The following PHYH variants were observed in gnomAD, a reference collection of about 807,000 sequenced individuals.
PHYH encodes the protein phytanoyl-CoA dioxygenase, peroxisomal.
A neutral mutation model predicts 38.5 loss-of-function variants in PHYH; 32 were observed. The ratio of observed to expected loss-of-function variants is 0.83; its 90% CI spans 0.63 to 1.12. The LOEUF (loss-of-function observed/expected upper bound fraction) is 1.12. Ranked by LOEUF, PHYH falls within the 50% of genes most tolerant of loss-of-function variation. The probability of loss-of-function intolerance (pLI) is 0.00; values close to 1 mark genes in which losing one functional copy is unlikely to be tolerated. For synonymous variants in PHYH, 166 were observed against 157.9 expected (o/e 1.05, Z -0.38); for missense variants, 426 against 434.8 (o/e 0.98, Z 0.18).
chr10:13,299,367 C>A, intron 1 of PHYH: 2 of 926,060 alleles, frequency 2.2e-6, no homozygotes, highest in Non-Finnish European at 2.6e-6. Flanking sequence ...GGCCTTGGCC[C>A]CCAGAAGAGC....
chr10:13,291,803 A>ATTTTT, intron 5 of PHYH, 28 bp downstream of exon 5: 1 of 1,478,574 alleles, frequency 6.8e-7, no homozygotes, highest in Non-Finnish European at 9.4e-7. Flanking sequence ...TAATGAAACC[A>ATTTTT]TTTTTTTTTC....
Position 13,294,506 on chromosome 10 carries a change from A to G in PHYH, c.336T>C (p.Ala112=), listed in dbSNP as rs769969927. 4 of 1,613,986 alleles carry G rather than the reference A, an allele frequency of 2.5e-6. No homozygotes were observed. The highest frequency in any genetic ancestry group is 1.3e-5 in the African/African-American group (1 of 75,030). The change falls in exon 4 of 9, where the codon GCT becomes GCC. Residue 112 remains alanine (A), a synonymous_variant. Coordinates refer to ENST00000263038, the MANE Select transcript of PHYH (RefSeq NM_006214.4). ...CCTTCGTGATCATCTTCTCACTTGG[A>G]GCATATTCGGATTTCGAAATGGTCA... ...RDVTISKSEY[A]PSEKMITKVQ... is the part of the protein sequence containing the mutation.
rs1029710098 is a variant in PHYH, at chr10:13,279,611, C to T, written c.964-1257G>A. On this transcript the variant is annotated intron_variant, in intron 8 of 8. Coordinates refer to ENST00000263038, the MANE Select transcript of PHYH (RefSeq NM_006214.4). ...CAGCATGGAGTTTATACTGCCCCAC[C>T]GGGTTTTGGTGAAGAAAATAAGAAA... Among the ~76,000 whole-genome samples, 6 of 152,050 alleles carry T rather than the reference C, an allele frequency of 3.9e-5. No individual in the cohort carries two copies. In the South Asian group the frequency reaches 6.2e-4, roughly 16 times the overall value.
chr10:13,294,707 T>C (rs942611701), intron 3 of PHYH, 111 bp from the exon 4 acceptor site: 4 of 852,380 alleles, frequency 4.7e-6, no homozygotes, highest in Non-Finnish European at 7.9e-6. Flanking sequence ...CTGCACTAAG[T>C]TGGCCTCCAG....
rs777147459 is a variant in PHYH at position 13,280,998 on chromosome 10, G to A, written c.941C>T (p.Ala314Val). 12 of 1,613,996 alleles carry A rather than the reference G, an allele frequency of 7.4e-6. No individual in the cohort carries two copies. Among genetic ancestry groups the A allele is most frequent in the Non-Finnish European group, 8.5e-6 (10 of 1,179,872 alleles). ...TACCTTCAAGTTCACGCTATTTTCA[G>A]CTCCAAAGAATTTATGTGCTATTCC... is the stretch of plus-strand genomic sequence containing the variant. ...VVGIAHKFFG[A>V]ENSVNLKDIW... The change falls in exon 8 of 9, where the codon GCT (alanine) becomes GTT (valine). Residue 314 changes from alanine to valine, a missense_variant. Transcript: ENST00000263038.
In PHYH at chr10:13,299,976, C is replaced by G. The variant is rs750212437; in HGVS notation, c.67G>C (p.Gly23Arg). The change falls in exon 1 of 9, where the codon GGG becomes CGG. Residue 23 changes from glycine (G) to arginine (R), a missense_variant. Physicochemically the swap from Gly to Arg is moderately radical, Grantham distance 125. Transcript: ENST00000263038. ...CGCAGCCCAAAGGATACGACAGCCC[C>G]GGCCGAGGGGCGGCCGAGGTGGCCC... is the stretch of plus-strand genomic sequence containing the variant. ...VLGHLGRPSA[G>R]AVVAHPTSGT... 1 of 1,530,824 alleles carries G rather than the reference C, an allele frequency of 6.5e-7. No homozygotes were observed. The highest frequency in any genetic ancestry group is 1.2e-5 in the South Asian group (1 of 83,030). 94.8% of individuals were successfully genotyped at this position (1,530,824 alleles called of 1,614,324 possible). A position where few individuals can be genotyped will look rare whatever the true frequency, so the allele number is the denominator to read the frequency against.
chr10:13,280,904 T>A (rs1835394233), intron 8 of PHYH, 72 bp downstream of exon 8: 3 of 1,372,042 alleles, frequency 2.2e-6, no homozygotes, highest in Non-Finnish European at 3.1e-6. Flanking sequence ...ATAAACTAGG[T>A]ATGAGAATTA....
chr10:13,298,066 A>C (rs1832612636), intron 2 of PHYH, 121 bp downstream of exon 2: 5 of 701,790 alleles, frequency 7.1e-6, no homozygotes, highest in Non-Finnish European at 1.0e-5. Context: ...AAGTCCTGGA[A>C]ACAGAGGATT....
At position 13,288,405 on chromosome 10, in the gene PHYH, G is replaced by T; in HGVS notation, c.633C>A (p.Gly211=). 1 of 1,614,156 alleles carries T rather than the reference G, an allele frequency of 6.2e-7. No individual in the cohort carries two copies. The highest frequency in any genetic ancestry group is 1.1e-5 in the South Asian group (1 of 91,082). ...GGGGCTTCAGGGAGCCCTTGTGTGT[G>T]CCTGGGAGCACAACCAGACAGCCGT... is the stretch of plus-strand genomic sequence containing the variant. ...RNNGCLVVLP[G]THKGSLKPHD... The change falls in exon 6 of 9, where the codon GGC becomes GGA. Residue 211 remains glycine (G), a synonymous_variant. Transcript: ENST00000263038.
At position 13,281,023 on chromosome 10, in the gene PHYH, C is replaced by G. The variant is rs775910876; in HGVS notation, c.916G>C (p.Gly306Arg). Reference sequence around the variant, plus strand: ...GCTCCAAAGAATTTATGTGCTATTCCTACAACTTCCTTCTCGATGTTTTCT... The same window carrying G: ...GCTCCAAAGAATTTATGTGCTATTCGTACAACTTCCTTCTCGATGTTTTCT... ...SQENIEKEVVGIAHKFFGAEN... is the reference protein window; with the variant it reads ...SQENIEKEVVRIAHKFFGAEN... Residue 306 changes from glycine to arginine, a missense_variant, in exon 8 of 9, where the codon GGA becomes CGA. By Grantham distance (125) the Gly-to-Arg change is moderately radical. Coordinates refer to ENST00000263038, the MANE Select transcript of PHYH (RefSeq NM_006214.4). 8.7e-6 allele frequency: 14 copies of G among 1,613,980 alleles called. No individual in the cohort carries two copies. In the South Asian group the frequency reaches 1.5e-4, roughly 18 times the overall value.
At chr10:13,298,718 C>CTACTACTACTACTACTACTACT (rs1554785619) in intron 1 of PHYH, among the ~76,000 whole-genome samples, 1 of 93,436 alleles carries the variant, frequency 1.1e-5, no homozygotes, top group Admixed American at 1.4e-4. Flanking sequence ...AAACTACCAC[C>CTACTACTACTACTACTACTACT]ACTACTACTA....
chr10:13,281,115 G>A lies in PHYH; in HGVS notation c.829-5C>T. On this transcript the variant is annotated splice_polypyrimidine_tract_variant and splice_region_variant and intron_variant, in intron 7 of 8. Transcript: ENST00000263038. ...GGCGAAATGGCAGGAAATTGCCTGT[G>A]CAAAGTGAACAAATTGATATTGGAG... 6.2e-7 allele frequency: 1 copy of A among 1,614,108 alleles called. No individual in the cohort carries two copies. The highest frequency in any genetic ancestry group is 1.1e-5 in the South Asian group (1 of 91,088).
intron 2 of PHYH, among the ~76,000 whole-genome samples, chr10:13,296,566 A>G (rs1440951197): frequency 2.0e-5 from 2 of 100,874 alleles, no homozygotes; most frequent in East Asian, 2.6e-4. Flanking sequence ...CCATCTCAGA[A>G]AAAAAAAAAA....
chr10:13,288,333 C>A, intron 6 of PHYH, 27 bp downstream of exon 6: 1 of 1,609,242 alleles, frequency 6.2e-7, no homozygotes, highest in South Asian at 1.1e-5. Context: ...AGATTCGGAT[C>A]AAGACTCAGC....
At chr10:13,294,970 C>A in intron 3 of PHYH, 1 of 333,188 alleles carries the variant, frequency 3.0e-6, no homozygotes, top group Non-Finnish European at 5.7e-6. Flanking sequence ...TATTATTATC[C>A]CCATTTTACA....
At chr10:13,294,688 G>C in intron 3 of PHYH, 92 bp from the exon 4 acceptor site, 1 of 1,097,048 alleles carries the variant, frequency 9.1e-7, no homozygotes, top group Non-Finnish European at 1.4e-6. Flanking sequence ...GACTTGAGGG[G>C]TGGTTTCTCT....
At chr10:13,298,131 C>G in intron 2 of PHYH, 56 bp downstream of exon 2, 2 of 1,056,728 alleles carry the variant, frequency 1.9e-6, no homozygotes, top group Non-Finnish European at 1.5e-6. Context: ...TTCATTACCA[C>G]TCAAGAAACT....
chr10:13,286,217 T>C (rs1835545716), intron 6 of PHYH, among the ~76,000 whole-genome samples: 1 of 152,162 alleles, frequency 6.6e-6, no homozygotes, highest in African/African-American at 2.4e-5. Flanking sequence ...GTCATCTCTC[T>C]GGTTTCTTTG....
rs1188238926 is a variant in PHYH at position 13,280,956 on chromosome 10, G to C, written c.963+20C>G. On this transcript the variant is annotated intron_variant, in intron 8 of 8. Coordinates refer to ENST00000263038, the MANE Select transcript of PHYH (RefSeq NM_006214.4). ...AAGAAAAACCTGAGATTTTTACCTT[G>C]CTATTGTATACAAACATACCTTCAA... The C allele has an allele frequency of 6.2e-7, 1 of 1,611,052 alleles. No homozygotes were observed. The highest frequency in any genetic ancestry group is 2.2e-5 in the East Asian group (1 of 44,868).
Sources: gnomAD v4.1 joint callset for allele counts (sites outside exome capture counted in the v4.1 genomes callset) on GRCh38, gnomAD v4.1.1 for gene constraint, MANE v1.5 for transcripts, NCBI Gene and HGNC (gene_info 2026-07-23, HGNC 2026-07-21) for gene names.